The following NTM variants were observed in gnomAD, a reference collection of about 807,000 sequenced individuals.
NTM encodes the protein IgLON family member 2.
Under a neutral mutation model 42.1 loss-of-function variants are expected in NTM, and 13 were observed. That is an observed-to-expected ratio of 0.31 (90% confidence interval 0.20 to 0.49). The LOEUF (loss-of-function observed/expected upper bound fraction) is 0.49, where lower values mean the gene tolerates loss of function less well. Among genes scored for constraint, NTM ranks in the 20% least tolerant of loss-of-function variants. NTM has a pLI of 0.99. For synonymous variants in NTM, 187 were observed against 179.2 expected (o/e 1.04, Z -0.35); for missense variants, 373 against 452.8 (o/e 0.82, Z 1.60).
chr11:131,658,055 G>A (rs2067431628), intron 1 of NTM, among the ~76,000 whole-genome samples: 1 of 152,122 alleles, frequency 6.6e-6, no homozygotes, highest in Non-Finnish European at 1.5e-5. Context: ...GGGGTGGGGT[G>A]GGGAGATAAT....
At chr11:131,983,410 C>G (rs1484110274) in intron 2 of NTM, among the ~76,000 whole-genome samples, 3 of 136,288 alleles carry the variant, frequency 2.2e-5, no homozygotes, top group Admixed American at 8.1e-5. Flanking sequence ...GAGTCTCGCT[C>G]TGTCTCCTAG....
chr11:131,468,910 G>T (rs1952153223), intron 1 of NTM, among the ~76,000 whole-genome samples: 1 of 152,252 alleles, frequency 6.6e-6, no homozygotes, highest in Non-Finnish European at 1.5e-5. Context: ...CCTGGACCTG[G>T]CAGGTACGAG....
chr11:131,803,302 G>GTT (rs5795742), intron 1 of NTM, among the ~76,000 whole-genome samples: 2 of 147,226 alleles, frequency 1.4e-5, no homozygotes, highest in African/African-American at 5.0e-5. Flanking sequence ...TTGGGAGTGG[G>GTT]TTTTTTTTTT....
chr11:131,576,193 G>A (rs1257153417), intron 1 of NTM, among the ~76,000 whole-genome samples: 1 of 152,136 alleles, frequency 6.6e-6, no homozygotes, highest in African/African-American at 2.4e-5. Context: ...CGCCCCTGAA[G>A]TAATATGGCT....
At chr11:132,023,158 C>T (rs1255411524) in intron 2 of NTM, among the ~76,000 whole-genome samples, 1 of 152,204 alleles carries the variant, frequency 6.6e-6, no homozygotes, top group Non-Finnish European at 1.5e-5. Context: ...AGACCCTAGT[C>T]ACGTGCTGCC....
intron 5 of NTM, 61 bp from the exon 6 acceptor site, chr11:132,310,051 C>CATCT: frequency 6.9e-7 from 1 of 1,458,012 alleles, no homozygotes; most frequent in Non-Finnish European, 9.0e-7. Flanking sequence ...AGCAAGACTC[C>CATCT]ATCTCAAAAA....
At chr11:132,007,879 C>T (rs2846799) in intron 2 of NTM, among the ~76,000 whole-genome samples, 1 of 152,076 alleles carries the variant, frequency 6.6e-6, no homozygotes, top group Non-Finnish European at 1.5e-5. Context: ...GCCTAGAAAT[C>T]TCTGCAACTT....
At chr11:131,890,137 C>CCTCTCT (rs1161931332) in intron 1 of NTM, among the ~76,000 whole-genome samples, 2 of 108,646 alleles carry the variant, frequency 1.8e-5, no homozygotes, top group Non-Finnish European at 3.6e-5. Flanking sequence ...CCTCTCTCTC[C>CCTCTCT]CTCTCTCTCT....
chr11:132,234,868 G>T lies in NTM; in HGVS notation c.526+22721G>T, dbSNP rs557385793. ...TTTTGAAAATGTGTAATATGTGTTTGTGTCAATCTTGTAGTCATAAACTGA... is the reference window on the plus strand; with the variant it reads ...TTTTGAAAATGTGTAATATGTGTTTTTGTCAATCTTGTAGTCATAAACTGA... On this transcript the variant is annotated intron_variant, in intron 4 of 8. Coordinates refer to ENST00000683400, the MANE Select transcript of NTM (RefSeq NM_001352005.2). 5.9e-5 allele frequency among the ~76,000 whole-genome samples: 9 copies of T among 152,238 alleles called. No individual in the cohort carries two copies. In the South Asian group the frequency reaches 1.5e-3, roughly 25 times the overall value.
chr11:131,794,791 C>T (rs2136177944), intron 1 of NTM: 4 of 985,370 alleles, frequency 4.1e-6, no homozygotes, highest in Non-Finnish European at 3.6e-6. Context: ...CATTCATGTA[C>T]TTTGGAAGCC....
intron 1 of NTM, among the ~76,000 whole-genome samples, chr11:131,748,982 C>T: frequency 6.6e-6 from 1 of 152,188 alleles, no homozygotes; most frequent in Non-Finnish European, 1.5e-5. Context: ...ATTTTGTTCA[C>T]ACAGAAAAGA....
intron 1 of NTM, among the ~76,000 whole-genome samples, chr11:131,799,829 G>A (rs371733449): frequency 1.1e-4 from 16 of 152,204 alleles, no homozygotes; most frequent in African/African-American, 3.6e-4. Flanking sequence ...GTTAACTATG[G>A]CAGCAGCCCA....
At chr11:132,296,610 G>A (rs545635581) in intron 4 of NTM, among the ~76,000 whole-genome samples, 1 of 152,312 alleles carries the variant, frequency 6.6e-6, no homozygotes, top group South Asian at 2.1e-4. Context: ...GGATTCAGGA[G>A]TTCTGTGTTT....
At chr11:131,907,571 C>G (rs1453210040) in intron 1 of NTM, among the ~76,000 whole-genome samples, 1 of 152,142 alleles carries the variant, frequency 6.6e-6, no homozygotes, top group Non-Finnish European at 1.5e-5. Flanking sequence ...GCTGTCAGCA[C>G]AGAGACAAGC....
chr11:131,985,034 G>GGT (rs2065852658), intron 2 of NTM, among the ~76,000 whole-genome samples: 1 of 152,004 alleles, frequency 6.6e-6, no homozygotes, highest in South Asian at 2.1e-4. Context: ...AGACTGAGTT[G>GGT]GTGTTCTCAA....
At chr11:131,651,662 A>C (rs1247991741) in intron 1 of NTM, among the ~76,000 whole-genome samples, 2 of 152,072 alleles carry the variant, frequency 1.3e-5, no homozygotes, top group African/African-American at 4.8e-5. Flanking sequence ...GAACATGGTG[A>C]AACCCTGTTT....
intron 1 of NTM, among the ~76,000 whole-genome samples, chr11:131,819,939 G>T (rs948298603): frequency 2.0e-5 from 3 of 152,110 alleles, no homozygotes; most frequent in Non-Finnish European, 4.4e-5. Context: ...AATTGATTTC[G>T]GTCTGTTCCC....
At chr11:132,056,940 TCTTGGTTCCAGGGGC>T (rs2079775963) in intron 2 of NTM, among the ~76,000 whole-genome samples, 1 of 152,152 alleles carries the variant, frequency 6.6e-6, no homozygotes, top group African/African-American at 2.4e-5. Context: ...CCAGACAGCT[TCTTGGTTCCAGGGGC>T]GCCGCCTGCT....
chr11:131,762,233 T>C (rs2084329176), intron 1 of NTM, among the ~76,000 whole-genome samples: 1 of 152,350 alleles, frequency 6.6e-6, no homozygotes, highest in South Asian at 2.1e-4. Context: ...GGTTCCCATG[T>C]GGCTCAATAG....
Sources: allele counts gnomAD v4.1 joint callset (sites outside exome capture counted in the v4.1 genomes callset), GRCh38; gene constraint gnomAD v4.1.1; transcripts MANE v1.5; gene names NCBI Gene and HGNC (gene_info 2026-07-23, HGNC 2026-07-21).